The following ALG3 variants were observed in gnomAD, a reference collection of about 807,000 sequenced individuals.
ALG3 encodes ALG3 alpha-1,3- mannosyltransferase.
A neutral mutation model predicts 50.5 loss-of-function variants in ALG3; 39 were observed. The observed-to-expected ratio is 0.77, with a 90% CI of 0.60 to 1.01. The LOEUF is 1.01. Among genes scored for constraint, ALG3 ranks in the 50% least tolerant of loss-of-function variants. ALG3 has a pLI of 0.00. For missense variants in ALG3, 520 were observed against 554.8 expected, an observed-to-expected ratio of 0.94 and a Z score of 0.63; for synonymous variants, 252 against 237.2, an observed-to-expected ratio of 1.06 and a Z score of -0.58.
chr3:184,248,936 G>C lies in ALG3; in HGVS notation c.5C>G (p.Ala2Gly). The change falls in exon 1 of 9, where the codon GCG becomes GGG. Residue 2 changes from alanine to glycine, a missense_variant. This residue lies in a region of ALG3 where 290 missense variants were observed against 265.9 expected (regional missense o/e 1.09). Coordinates refer to ENST00000397676, the MANE Select transcript of ALG3 (RefSeq NM_005787.6). The part of the protein sequence containing the change: M[A>G]AGLRKRGRSG... ...CCGGCCGCGTTTCCGCAGCCCAGCCGCCATCTTAACGGTGCGCCGCTTGTG... is the reference window on the plus strand; with the variant it reads ...CCGGCCGCGTTTCCGCAGCCCAGCCCCCATCTTAACGGTGCGCCGCTTGTG... The C allele has an allele frequency of 6.3e-7, 1 of 1,579,914 alleles. No individual in the cohort carries two copies. Among genetic ancestry groups the C allele is most frequent in the Non-Finnish European group, 8.6e-7 (1 of 1,164,992 alleles).
At chr3:184,249,041 G>A (rs1200891344), upstream of ALG3, 1 of 1,518,122 alleles carries the variant, frequency 6.6e-7, no homozygotes, top group South Asian at 1.2e-5. Flanking sequence ...CAGGCTAAGC[G>A]CCGATCCGAG....
chr3:184,248,976 C>T (rs1234261207), upstream of ALG3: 3 of 1,548,582 alleles, frequency 1.9e-6, no homozygotes, highest in Non-Finnish European at 2.6e-6. Context: ...CCCACCACCC[C>T]CGGAAACCCG....
At chr3:184,244,149 C>T (rs932308346) in intron 5 of ALG3, among the ~76,000 whole-genome samples, 153 bp from the exon 6 acceptor site, 3 of 152,222 alleles carry the variant, frequency 2.0e-5, no homozygotes, top group Non-Finnish European at 4.4e-5. Context: ...TTCCCCACCC[C>T]CCGGCCCAGG....
rs576990697 is a variant in ALG3, at chr3:184,248,077, A to G, written c.196+668T>C. Among the ~76,000 whole-genome samples, 15 of 142,928 alleles carry G rather than the reference A, an allele frequency of 1.0e-4. No individual in the cohort carries two copies. In the South Asian group the frequency reaches 3.3e-3, roughly 32 times the overall value. 93.8% of individuals were successfully genotyped at this position (142,928 alleles called of 152,430 possible). The stretch of plus-strand genomic sequence containing the variant: ...CACCGTGTTAGCCAGGATGGCCTCG[A>G]TCTCCTGACCTCGTGATCCGCCCGC... On this transcript the variant is annotated intron_variant, in intron 1 of 8. Transcript: ENST00000397676.
chr3:184,244,864 C>T, intron 4 of ALG3, 143 bp from the exon 5 acceptor site: 2 of 1,227,496 alleles, frequency 1.6e-6, no homozygotes, highest in Non-Finnish European at 2.2e-6. Flanking sequence ...CCTACACTCA[C>T]AACTGTTGGA....
Position 184,248,929 on chromosome 3 carries a change from C to T in ALG3, c.12G>A (p.Gly4=), listed in dbSNP as rs925337823. 8 of 1,584,000 alleles carry T rather than the reference C, an allele frequency of 5.1e-6. No individual in the cohort carries two copies. In the East Asian group the frequency reaches 6.9e-5, roughly 14 times the overall value. ...AACCGGACCGGCCGCGTTTCCGCAG[C>T]CCAGCCGCCATCTTAACGGTGCGCC... MAA[G]LRKRGRSGSA... Residue 4 remains glycine, a synonymous_variant, in exon 1 of 9, where the codon GGG becomes GGA. Coordinates refer to ENST00000397676, the MANE Select transcript of ALG3 (RefSeq NM_005787.6).
chr3:184,244,484 C>T, intron 5 of ALG3, 117 bp downstream of exon 5: 1 of 1,320,920 alleles, frequency 7.6e-7, no homozygotes, highest in Non-Finnish European at 1.0e-6. Context: ...CTCCCTAGCT[C>T]AGAATCAACT....
chr3:184,245,026 G>A (rs189908535), intron 4 of ALG3, 172 bp downstream of exon 4: 3 of 898,922 alleles, frequency 3.3e-6, no homozygotes, highest in South Asian at 1.4e-5. Context: ...GGGCATGTGT[G>A]TATGTTGGGG....
At chr3:184,247,380 C>T (rs1396460331) in intron 1 of ALG3, among the ~76,000 whole-genome samples, 2 of 151,950 alleles carry the variant, frequency 1.3e-5, no homozygotes, top group African/African-American at 4.8e-5. Context: ...TCACTGCAAC[C>T]TCCACCTCCC....
chr3:184,244,060 T>C, intron 5 of ALG3, 64 bp from the exon 6 acceptor site: 2 of 1,508,452 alleles, frequency 1.3e-6, no homozygotes, highest in Non-Finnish European at 9.1e-7. Flanking sequence ...GCCTTCATGC[T>C]ACTCATTGAG....
At chr3:184,248,396 GA>G (rs1719296647) in intron 1 of ALG3, among the ~76,000 whole-genome samples, 2 of 152,104 alleles carry the variant, frequency 1.3e-5, no homozygotes. Context: ...TGAACACATG[GA>G]AAAAGCTGAG....
chr3:184,246,128 T>C (rs77579397), intron 1 of ALG3, among the ~76,000 whole-genome samples: 2,255 of 152,272 alleles, frequency 0.015, 27 homozygotes, highest in Non-Finnish European at 0.022. Context: ...CTCTCTCATT[T>C]GCAACCCTTC....
chr3:184,245,101 C>T (rs1332605226), intron 4 of ALG3, 97 bp downstream of exon 4: 9 of 1,485,614 alleles, frequency 6.1e-6, no homozygotes, highest in Non-Finnish European at 8.3e-6. Flanking sequence ...GTGACCCATG[C>T]TGTCTTGGCT....
chr3:184,246,568 A>T (rs1719161343), intron 1 of ALG3, among the ~76,000 whole-genome samples: 1 of 152,050 alleles, frequency 6.6e-6, no homozygotes. Context: ...AAATTCCTTC[A>T]TGATCTGGCC....
chr3:184,243,011 A>G (rs1718917173), intron 7 of ALG3, 54 bp from the exon 8 acceptor site: 2 of 1,600,412 alleles, frequency 1.2e-6, no homozygotes, highest in Admixed American at 1.7e-5. Context: ...GACTATCCCA[A>G]AACAGAGGGG....
At chr3:184,244,382 CTTAAAA>C (rs1228212501) in intron 5 of ALG3, 7 of 605,752 alleles carry the variant, frequency 1.2e-5, no homozygotes, top group South Asian at 1.0e-4. Flanking sequence ...CATCTCAAAA[CTTAAAA>C]TTAAAAAAAG....
At chr3:184,247,986 C>T (rs964378047) in intron 1 of ALG3, among the ~76,000 whole-genome samples, 4 of 151,190 alleles carry the variant, frequency 2.6e-5, no homozygotes, top group African/African-American at 9.7e-5. Context: ...GCTGGGACTA[C>T]AGGCGCCCGC....
At chr3:184,245,046 G>A (rs751699749) in intron 4 of ALG3, 152 bp downstream of exon 4, 5 of 1,058,022 alleles carry the variant, frequency 4.7e-6, no homozygotes, top group Admixed American at 2.0e-5. Context: ...GGATGGCAGG[G>A]CAGAAACTTT....
At chr3:184,249,114 T>G (rs1341652040), upstream of ALG3, 1 of 1,478,646 alleles carries the variant, frequency 6.8e-7, no homozygotes, top group South Asian at 1.2e-5. Context: ...TCTGATGCAC[T>G]CCACGCTCCA....
Sources: gnomAD v4.1 joint callset for allele counts (sites outside exome capture counted in the v4.1 genomes callset) on GRCh38, gnomAD v4.1.1 for gene constraint, gnomAD v4.1.1 regional missense constraint, MANE v1.5 for transcripts, NCBI Gene and HGNC (gene_info 2026-07-23, HGNC 2026-07-21) for gene names.